Variants in PKHD1 observed in about 807,000 individuals in gnomAD.
PKHD1 encodes fibrocystin.
In PKHD1, 291 loss-of-function variants were observed where a neutral mutation model predicts 412.0. That is an observed-to-expected ratio of 0.71 (90% CI 0.64 to 0.78). The LOEUF (loss-of-function observed/expected upper bound fraction) is 0.78, where lower values mean the gene tolerates loss of function less well. Ranked by LOEUF, PKHD1 falls within the 30% of genes least tolerant of loss-of-function variation. The pLI, the probability that PKHD1 is intolerant of heterozygous loss-of-function variation, is 0.00. For missense variants in PKHD1, 4,825 were observed against 4,950.7 expected (o/e 0.97, Z 0.76); for synonymous variants, 1,777 against 1,821.5 (o/e 0.98, Z 0.62).
chr6:51,649,178 C>T lies in PKHD1; in HGVS notation c.11217G>A (p.Arg3739=), dbSNP rs958665190. The part of the protein sequence containing the change: ...SFKTGNLIYI[R]PYALSILVQP... ...GGACTAGGATGGAAAGTGCATAGGG[C>T]CGAATATATATCAAGTTCCCAGTTT... The change falls in exon 62 of 67, where the codon CGG becomes CGA. Residue 3739 remains arginine, a synonymous_variant. Transcript: ENST00000371117. The T allele has an allele frequency of 2.5e-5, 40 of 1,611,882 alleles. No homozygotes were observed. The highest frequency in any genetic ancestry group is 3.3e-5 in the Non-Finnish European group (39 of 1,178,068).
At chr6:51,868,433 T>A (rs1775434637) in intron 47 of PKHD1, among the ~76,000 whole-genome samples, 1 of 152,096 alleles carries the variant, frequency 6.6e-6, no homozygotes, top group Non-Finnish European at 1.5e-5. Context: ...TTCAATCATT[T>A]TTGGCTGTCA....
chr6:51,709,781 A>T (rs1360058675), intron 60 of PKHD1, among the ~76,000 whole-genome samples: 1 of 152,152 alleles, frequency 6.6e-6, no homozygotes, highest in East Asian at 1.9e-4. Context: ...AACAGTCAAT[A>T]TAATTACATT....
intron 11 of PKHD1, among the ~76,000 whole-genome samples, chr6:52,067,723 A>G (rs1387663183): frequency 6.6e-6 from 1 of 152,170 alleles, no homozygotes; most frequent in Non-Finnish European, 1.5e-5. Flanking sequence ...GAGTGTGGAC[A>G]GAAGAAATTG....
At position 52,025,950 on chromosome 6, in the gene PKHD1, A is replaced by T; in HGVS notation, c.3860T>A (p.Val1287Glu). Residue 1287 changes from valine to glutamate, a missense_variant, in exon 32 of 67, where the codon GTG becomes GAG. By Grantham distance (121) the Val-to-Glu change is moderately radical. Transcript: ENST00000371117. ...ATACATGAAGGTGAAGCCTTTCCCCACCAAGCTTGGTGAAGGACCACGGGC... is the reference window on the plus strand; with the variant it reads ...ATACATGAAGGTGAAGCCTTTCCCCTCCAAGCTTGGTGAAGGACCACGGGC... ...FFARGPSPSLVGKGFTFMYEA... is the reference protein window; with the variant it reads ...FFARGPSPSLEGKGFTFMYEA... 1.2e-6 allele frequency: 2 copies of T among 1,614,042 alleles called. No individual in the cohort carries two copies. The highest frequency in any genetic ancestry group is 1.7e-6 in the Non-Finnish European group (2 of 1,179,994).
chr6:52,022,733 G>A, intron 33 of PKHD1, 68 bp downstream of exon 33: 1 of 1,529,646 alleles, frequency 6.5e-7, no homozygotes, highest in Non-Finnish European at 9.0e-7. Flanking sequence ...CACAAAAATA[G>A]AATTAACCAA....
chr6:51,660,042 T>C (rs1017358341), intron 60 of PKHD1, 73 bp from the exon 61 acceptor site: 1 of 925,036 alleles, frequency 1.1e-6, no homozygotes, highest in Non-Finnish European at 1.7e-6. Flanking sequence ...AATCCATCAC[T>C]CTTGCCATCA....
At position 51,747,779 on chromosome 6, in the gene PKHD1, C is replaced by T; in HGVS notation, c.9829+8G>A. On this transcript the variant is annotated splice_region_variant and intron_variant, in intron 58 of 66. Coordinates refer to ENST00000371117, the MANE Select transcript of PKHD1 (RefSeq NM_138694.4). ...ATGGCACTGCCTAGATAAAATAAAA[C>T]ATCCTACCTTGAAGTTTCATGATTC... 2.5e-6 allele frequency: 4 copies of T among 1,612,104 alleles called. No homozygotes were observed. The highest frequency in any genetic ancestry group is 3.4e-6 in the Non-Finnish European group (4 of 1,178,426).
At chr6:51,678,304 A>G (rs1776161193) in intron 60 of PKHD1, among the ~76,000 whole-genome samples, 1 of 152,168 alleles carries the variant, frequency 6.6e-6, no homozygotes, top group South Asian at 2.1e-4. Context: ...GGAGAGGGCT[A>G]AGTTAGATGA....
intron 65 of PKHD1, among the ~76,000 whole-genome samples, chr6:51,630,654 A>G (rs1314915243): frequency 6.6e-6 from 1 of 152,206 alleles, no homozygotes; most frequent in Non-Finnish European, 1.5e-5. Flanking sequence ...ACAGGCACAG[A>G]GAGCATATAG....
chr6:52,083,307 T>C (rs747506293), intron 2 of PKHD1, 52 bp from the exon 3 acceptor site: 3 of 1,099,944 alleles, frequency 2.7e-6, no homozygotes, highest in South Asian at 2.5e-5. Context: ...TTCAAACCAC[T>C]ACCTTCTGCA....
At chr6:51,690,547 C>G (rs1301067566) in intron 60 of PKHD1, among the ~76,000 whole-genome samples, 1 of 152,056 alleles carries the variant, frequency 6.6e-6, no homozygotes, top group East Asian at 1.9e-4. Context: ...ATAAACCTGA[C>G]AAAAACAAAC....
chr6:52,065,873 G>T, intron 12 of PKHD1, 103 bp downstream of exon 12: 1 of 732,064 alleles, frequency 1.4e-6, no homozygotes. Flanking sequence ...GAGTCAGAAG[G>T]GGCAAAGCTT....
At chr6:51,845,448 G>A (rs927487732) in intron 50 of PKHD1, among the ~76,000 whole-genome samples, 14 of 152,074 alleles carry the variant, frequency 9.2e-5, no homozygotes, top group African/African-American at 9.7e-5. Flanking sequence ...AAGATCCTAC[G>A]GGGAATCCCT....
chr6:52,006,766 T>C lies in PKHD1; in HGVS notation c.5751+3543A>G, dbSNP rs184307001. On this transcript the variant is annotated intron_variant, in intron 35 of 66. Coordinates refer to ENST00000371117, the MANE Select transcript of PKHD1 (RefSeq NM_138694.4). ...CATGAGTAAGTTCTTTAGTGGTGAT[T>C]TGTGAGATTTTGGTGCATCCATCAC... Among the ~76,000 whole-genome samples, 3 of 152,306 alleles carry C rather than the reference T, an allele frequency of 2.0e-5. No homozygotes were observed. The East Asian group carries it at 5.8e-4, about 29-fold the overall frequency.
intron 11 of PKHD1, among the ~76,000 whole-genome samples, chr6:52,066,293 A>C (rs982566862): frequency 2.6e-5 from 4 of 152,294 alleles, no homozygotes; most frequent in Middle Eastern, 3.4e-3. Context: ...ATTTGAAAGG[A>C]AGGGGAAATG....
intron 60 of PKHD1, among the ~76,000 whole-genome samples, chr6:51,711,697 C>T (rs1258164113): frequency 6.6e-6 from 1 of 152,120 alleles, no homozygotes; most frequent in African/African-American, 2.4e-5. Context: ...GAAAAGAAAA[C>T]AAACCAATAA....
intron 50 of PKHD1, among the ~76,000 whole-genome samples, chr6:51,838,419 C>G (rs747235204): frequency 5.9e-5 from 9 of 152,186 alleles, no homozygotes; most frequent in Non-Finnish European, 1.2e-4. Context: ...TCTTAAACCT[C>G]TACACACGCA....
chr6:51,935,785 G>T (rs2127776013), intron 36 of PKHD1, among the ~76,000 whole-genome samples: 1 of 152,272 alleles, frequency 6.6e-6, no homozygotes, highest in African/African-American at 2.4e-5. Flanking sequence ...CCTCTGGAAG[G>T]TTCTTTTGAT....
chr6:51,792,764 C>T (rs1297833650), intron 52 of PKHD1, among the ~76,000 whole-genome samples: 2 of 152,182 alleles, frequency 1.3e-5, no homozygotes, highest in Non-Finnish European at 2.9e-5. Flanking sequence ...GGATGCAAAG[C>T]AAGCATTAGT....
Sources: allele counts gnomAD v4.1 joint callset (sites outside exome capture counted in the v4.1 genomes callset), GRCh38; gene constraint gnomAD v4.1.1; transcripts MANE v1.5; gene names NCBI Gene and HGNC (gene_info 2026-07-23, HGNC 2026-07-21).